The following ART3 variants were observed in gnomAD, a reference collection of about 807,000 sequenced individuals.
ART3 encodes ADP-ribosyltransferase 3 (inactive).
A neutral mutation model predicts 48.5 loss-of-function variants in ART3; 49 were observed. The observed-to-expected ratio is 1.01, with a 90% CI of 0.80 to 1.28. ART3 has a LOEUF of 1.28. ART3 is among the 50% of genes most tolerant of loss of function. The probability of loss-of-function intolerance (pLI) is 0.00; values close to 1 mark genes in which losing one functional copy is unlikely to be tolerated. For synonymous variants in ART3, 145 were observed against 157.2 expected, an observed-to-expected ratio of 0.92 and a Z score of 0.58; for missense variants, 438 against 454.3, an observed-to-expected ratio of 0.96 and a Z score of 0.33.
intron 3 of ART3, among the ~76,000 whole-genome samples, chr4:76,084,110 A>T (rs1355913639): frequency 6.6e-6 from 1 of 152,168 alleles, no homozygotes; most frequent in Non-Finnish European, 1.5e-5. Flanking sequence ...ATCCTTTGAC[A>T]GAAATATAAA....
At chr4:76,069,685 C>T (rs529774980) in intron 1 of ART3, among the ~76,000 whole-genome samples, 20 of 152,116 alleles carry the variant, frequency 1.3e-4, no homozygotes, top group South Asian at 1.0e-3. Flanking sequence ...CCACTGCATC[C>T]GGCCTTAATT....
intron 2 of ART3, among the ~76,000 whole-genome samples, chr4:76,077,928 A>G (rs73825879): frequency 0.025 from 3,828 of 152,138 alleles, 147 homozygotes; most frequent in African/African-American, 0.085. Flanking sequence ...TGTGGTTTTG[A>G]TTTGGTTTTC....
intron 3 of ART3, among the ~76,000 whole-genome samples, chr4:76,083,842 G>A (rs1350587153): frequency 6.6e-6 from 1 of 152,178 alleles, no homozygotes; most frequent in Non-Finnish European, 1.5e-5. Flanking sequence ...GGAATATAGT[G>A]TGTGGGGGAG....
intron 1 of ART3, among the ~76,000 whole-genome samples, chr4:76,042,778 C>T (rs573156851): frequency 9.9e-5 from 15 of 152,140 alleles, no homozygotes; most frequent in Admixed American, 5.2e-4. Flanking sequence ...TGAGCAGCAG[C>T]AAGATTTATT....
chr4:76,077,752 A>G (rs1721442409), intron 2 of ART3, among the ~76,000 whole-genome samples: 1 of 152,188 alleles, frequency 6.6e-6, no homozygotes, highest in Admixed American at 6.5e-5. Context: ...CGGTAATTTT[A>G]TGTTAACTTT....
intron 1 of ART3, among the ~76,000 whole-genome samples, chr4:76,030,534 G>A (rs534356151): frequency 2.0e-5 from 3 of 152,232 alleles, no homozygotes; most frequent in South Asian, 4.1e-4. Context: ...GTACAATTCA[G>A]TGGAGTTAAG....
At chr4:76,024,696 G>A (rs181580497) in intron 1 of ART3, among the ~76,000 whole-genome samples, 7 of 152,252 alleles carry the variant, frequency 4.6e-5, no homozygotes, top group African/African-American at 1.4e-4. Flanking sequence ...TCAAAGGCAG[G>A]CACCACCCTG....
At chr4:76,098,709 G>A (rs910244043) in intron 4 of ART3, among the ~76,000 whole-genome samples, 3 of 151,984 alleles carry the variant, frequency 2.0e-5, no homozygotes, top group African/African-American at 2.4e-5. Context: ...GCAGTGAGCC[G>A]GGATCGTGCC....
At chr4:76,108,667 CAA>C (rs58414254) in intron 11 of ART3, among the ~76,000 whole-genome samples, 82,842 of 151,494 alleles carry the variant, frequency 0.55, 24,882 homozygotes, top group African/African-American at 0.81. Context: ...CATTGCTTAA[CAA>C]GATGGGGTAT....
intron 1 of ART3, among the ~76,000 whole-genome samples, chr4:76,052,717 TC>T (rs199729979): frequency 0.18 from 26,254 of 146,856 alleles, 3,758 homozygotes; most frequent in African/African-American, 0.4. Flanking sequence ...CTTTTTTCCT[TC>T]TTTTTTTTTT....
intron 1 of ART3, chr4:76,035,247 G>C (rs768792447): frequency 6.2e-7 from 1 of 1,613,992 alleles, no homozygotes; most frequent in African/African-American, 1.3e-5. Flanking sequence ...TTGTTACTTG[G>C]GTACATTATG....
chr4:76,095,647 C>T (rs1052945940), intron 3 of ART3, among the ~76,000 whole-genome samples: 1 of 152,156 alleles, frequency 6.6e-6, no homozygotes, highest in African/African-American at 2.4e-5. Context: ...AAGTATGTAG[C>T]AATAATAGTC....
At chr4:76,102,435 A>G (rs1055465354) in intron 8 of ART3, among the ~76,000 whole-genome samples, 3 of 152,168 alleles carry the variant, frequency 2.0e-5, no homozygotes, top group African/African-American at 7.2e-5. Flanking sequence ...CTTCTGCAGA[A>G]ACTTAGTCTG....
chr4:76,086,650 T>C (rs1471095880), intron 3 of ART3, among the ~76,000 whole-genome samples: 1 of 152,264 alleles, frequency 6.6e-6, no homozygotes, highest in Non-Finnish European at 1.5e-5. Flanking sequence ...GTTAATTTGC[T>C]TCACTATAGT....
chr4:76,098,553 G>C (rs1174023628), intron 4 of ART3, among the ~76,000 whole-genome samples: 2 of 152,104 alleles, frequency 1.3e-5, no homozygotes, highest in African/African-American at 4.8e-5. Context: ...CTTAAGGTCA[G>C]GAGTTTGAGG....
At chr4:76,106,476 GA>G (rs1728496729) in intron 10 of ART3, 1 of 497,318 alleles carries the variant, frequency 2.0e-6, no homozygotes. Context: ...TACAGACTAA[GA>G]GTTTTTAAGG....
At chr4:76,077,600 A>G (rs1721398659) in intron 2 of ART3, among the ~76,000 whole-genome samples, 1 of 152,216 alleles carries the variant, frequency 6.6e-6, no homozygotes, top group Non-Finnish European at 1.5e-5. Flanking sequence ...TTACAGAGTA[A>G]AGTTTACTTA....
At chr4:76,012,959 T>C (rs1311047347) in intron 1 of ART3, among the ~76,000 whole-genome samples, 1 of 152,232 alleles carries the variant, frequency 6.6e-6, no homozygotes, top group African/African-American at 2.4e-5. Flanking sequence ...ATTCATTTCA[T>C]CCACCAAACT....
intron 11 of ART3, among the ~76,000 whole-genome samples, chr4:76,111,432 A>T (rs921731421): frequency 1.3e-5 from 2 of 152,224 alleles, no homozygotes; most frequent in East Asian, 3.8e-4. Context: ...TCATCTTATA[A>T]ACAGATGATG....
Sources: allele counts gnomAD v4.1 joint callset (sites outside exome capture counted in the v4.1 genomes callset), GRCh38; gene constraint gnomAD v4.1.1; transcripts MANE v1.5; gene names NCBI Gene and HGNC (gene_info 2026-07-23, HGNC 2026-07-21).